TSPAN18: variants seen among roughly 807,000 people sequenced by gnomAD.
The protein encoded by TSPAN18 is tetraspanin 18.
TSPAN18 carries 14 observed loss-of-function variants against 27.3 expected under a neutral mutation model. That is an observed-to-expected ratio of 0.51 (90% CI 0.34 to 0.80). The LOEUF (loss-of-function observed/expected upper bound fraction) is 0.80. TSPAN18 is among the 30% of genes least tolerant of loss of function. TSPAN18 has a pLI of 0.01. For missense variants in TSPAN18, 268 were observed against 323.9 expected, an observed-to-expected ratio of 0.83 and a Z score of 1.32; for synonymous variants, 143 against 136.5, an observed-to-expected ratio of 1.05 and a Z score of -0.33.
At chr11:44,818,815 A>T (rs1321644770) in intron 2 of TSPAN18, among the ~76,000 whole-genome samples, 1 of 152,202 alleles carries the variant, frequency 6.6e-6, no homozygotes, top group Non-Finnish European at 1.5e-5. Context: ...CTGTCATATA[A>T]GGGGGGAGTC....
intron 2 of TSPAN18, among the ~76,000 whole-genome samples, chr11:44,767,388 A>G (rs543054735): frequency 1.3e-5 from 2 of 152,360 alleles, no homozygotes; most frequent in East Asian, 3.9e-4. Flanking sequence ...ACCCAAACAC[A>G]GGGTTCCTAG....
chr11:44,742,550 G>A (rs868726014), intron 1 of TSPAN18, among the ~76,000 whole-genome samples: 1 of 151,986 alleles, frequency 6.6e-6, no homozygotes, highest in Non-Finnish European at 1.5e-5. Context: ...GAACCTGCTC[G>A]GCCATACCCG....
intron 3 of TSPAN18, among the ~76,000 whole-genome samples, chr11:44,902,222 T>C (rs896557761): frequency 6.6e-6 from 1 of 152,164 alleles, no homozygotes; most frequent in African/African-American, 2.4e-5. Flanking sequence ...CGGGGAGCCC[T>C]TTACACTGGA....
intron 2 of TSPAN18, among the ~76,000 whole-genome samples, chr11:44,797,282 GC>G (rs1277791635): frequency 2.0e-5 from 3 of 152,188 alleles, no homozygotes; most frequent in Non-Finnish European, 4.4e-5. Flanking sequence ...AAGTCACGTG[GC>G]CAGTGAGTTC....
chr11:44,890,942 C>A (rs533724349), intron 3 of TSPAN18, among the ~76,000 whole-genome samples: 2 of 152,206 alleles, frequency 1.3e-5, no homozygotes, highest in East Asian at 1.9e-4. Context: ...GAGACCAAGG[C>A]AGGAGATTGC....
intron 2 of TSPAN18, among the ~76,000 whole-genome samples, chr11:44,777,947 G>C (rs1467284544): frequency 3.3e-5 from 5 of 152,284 alleles, no homozygotes; most frequent in Middle Eastern, 6.8e-3. Context: ...AGCTGGCTCA[G>C]GAGAGAAGGT....
intron 2 of TSPAN18, among the ~76,000 whole-genome samples, chr11:44,822,459 CATT>C (rs1856946745): frequency 6.6e-6 from 1 of 151,902 alleles, no homozygotes; most frequent in South Asian, 2.1e-4. Flanking sequence ...CTTCCAAGGT[CATT>C]ATGGAAGAAG....
intron 5 of TSPAN18, chr11:44,917,693 A>G: frequency 2.7e-6 from 1 of 373,066 alleles, no homozygotes. Context: ...AGGGTTGTTC[A>G]GGTTGCACAC....
At chr11:44,845,499 A>G (rs1211871547) in intron 2 of TSPAN18, among the ~76,000 whole-genome samples, 1 of 152,240 alleles carries the variant, frequency 6.6e-6, no homozygotes, top group Admixed American at 6.5e-5. Flanking sequence ...CGGAGCTTGT[A>G]GAGATGAAGA....
intron 5 of TSPAN18, among the ~76,000 whole-genome samples, chr11:44,915,107 C>T (rs1166219517): frequency 1.3e-5 from 2 of 152,196 alleles, no homozygotes; most frequent in Non-Finnish European, 2.9e-5. Flanking sequence ...CTGGTGGGCA[C>T]GCCAGCTCCA....
chr11:44,873,802 C>A (rs1335330731), intron 3 of TSPAN18, among the ~76,000 whole-genome samples: 1 of 152,182 alleles, frequency 6.6e-6, no homozygotes, highest in Non-Finnish European at 1.5e-5. Context: ...GTCCTCAGAG[C>A]CCTCTGAGCA....
chr11:44,907,612 C>A (rs1859500054), intron 4 of TSPAN18, among the ~76,000 whole-genome samples: 1 of 152,204 alleles, frequency 6.6e-6, no homozygotes, highest in African/African-American at 2.4e-5. Context: ...TGACCCTGAG[C>A]CAGCTCATCC....
chr11:44,731,822 C>A (rs368386699), intron 1 of TSPAN18, among the ~76,000 whole-genome samples: 45 of 152,220 alleles, frequency 3.0e-4, no homozygotes, highest in African/African-American at 9.9e-4. Flanking sequence ...TATCCTGGCT[C>A]CTGGCAGTTG....
chr11:44,727,473 G>C lies in TSPAN18; in HGVS notation c.-240+186G>C, dbSNP rs865828750. 3.9e-5 allele frequency among the ~76,000 whole-genome samples: 6 copies of C among 152,318 alleles called. 1 individual carries two copies. The highest frequency in any genetic ancestry group is 1.4e-4 in the African/African-American group (6 of 41,582). On this transcript the variant is annotated intron_variant, in intron 1 of 9. Coordinates refer to ENST00000520358, the MANE Select transcript of TSPAN18 (RefSeq NM_130783.5). ...CAAACTAGCACGCGGGGGCTGGGGG[G>C]CCGGGGACGGTCTCCACCCCGTGCC...
intron 3 of TSPAN18, among the ~76,000 whole-genome samples, chr11:44,875,363 T>C (rs1858301022): frequency 6.6e-6 from 1 of 152,206 alleles, no homozygotes; most frequent in Non-Finnish European, 1.5e-5. Flanking sequence ...TAAAATAATA[T>C]TTATCCTCAA....
At chr11:44,892,052 AC>A (rs1473310841) in intron 3 of TSPAN18, among the ~76,000 whole-genome samples, 12 of 152,116 alleles carry the variant, frequency 7.9e-5, no homozygotes, top group Non-Finnish European at 1.5e-5. Flanking sequence ...CCTTGTGCCT[AC>A]AGCCCCTTCC....
chr11:44,739,928 C>G (rs1854891848), intron 1 of TSPAN18, among the ~76,000 whole-genome samples: 1 of 152,138 alleles, frequency 6.6e-6, no homozygotes, highest in Admixed American at 6.5e-5. Flanking sequence ...AGAGGCATGT[C>G]CTTTTGGGAT....
At chr11:44,885,580 C>G (rs927601383) in intron 3 of TSPAN18, among the ~76,000 whole-genome samples, 3 of 152,150 alleles carry the variant, frequency 2.0e-5, no homozygotes, top group Non-Finnish European at 4.4e-5. Flanking sequence ...TCTCCCTCCC[C>G]CAACCCCTGA....
intron 3 of TSPAN18, among the ~76,000 whole-genome samples, chr11:44,869,072 G>T (rs1858120104): frequency 6.6e-6 from 1 of 152,222 alleles, no homozygotes; most frequent in Non-Finnish European, 1.5e-5. Context: ...CCTTAGGAGG[G>T]CTTAGGCCCT....
Sources: gnomAD v4.1 joint callset for allele counts (sites outside exome capture counted in the v4.1 genomes callset) on GRCh38, gnomAD v4.1.1 for gene constraint, MANE v1.5 for transcripts, NCBI Gene and HGNC (gene_info 2026-07-23, HGNC 2026-07-21) for gene names.